Variants in RMST observed in about 807,000 individuals in gnomAD.
RMST encodes rhabdomyosarcoma 2 associated transcript.
intron 13 of RMST, chr12:97,564,122 A>T (rs1378400480): frequency 3.2e-6 from 1 of 309,770 alleles, no homozygotes; most frequent in Non-Finnish European, 6.4e-6. Context: ...TTTGTTTATC[A>T]TACATTTTTC....
intron 11 of RMST, among the ~76,000 whole-genome samples, chr12:97,557,673 A>T (rs1202596275): frequency 1.3e-5 from 2 of 152,174 alleles, no homozygotes; most frequent in African/African-American, 4.8e-5. Flanking sequence ...AATCTGGTAG[A>T]AGAACACAGT....
chr12:97,533,565 G>T (rs1881842765), intron 11 of RMST: 1 of 151,754 alleles, frequency 6.6e-6, no homozygotes, highest in Admixed American at 6.6e-5. Flanking sequence ...ATTTTTCTCT[G>T]TTAAATTTTC....
chr12:97,532,713 A>G (rs980559349), intron 11 of RMST: 1 of 139,314 alleles, frequency 7.2e-6, no homozygotes, highest in Non-Finnish European at 1.5e-5. Flanking sequence ...AACTCTTGTC[A>G]GAGTTTCAAA....
intron 5 of RMST, among the ~76,000 whole-genome samples, chr12:97,474,419 C>A (rs1203465963): frequency 6.6e-6 from 1 of 151,970 alleles, no homozygotes; most frequent in Non-Finnish European, 1.5e-5. Flanking sequence ...ATTTTGATAG[C>A]CATTTGCAGG....
At chr12:97,518,598 G>C (rs1288562528) in intron 10 of RMST, among the ~76,000 whole-genome samples, 1 of 152,096 alleles carries the variant, frequency 6.6e-6, no homozygotes, top group Non-Finnish European at 1.5e-5. Flanking sequence ...TTTTCAATAA[G>C]AATGTTAGGC....
chr12:97,513,524 C>A (rs1324204674), intron 10 of RMST, among the ~76,000 whole-genome samples: 3 of 152,166 alleles, frequency 2.0e-5, no homozygotes, highest in Admixed American at 1.3e-4. Flanking sequence ...ACCAGAGCTT[C>A]TGCCTTCATA....
chr12:97,493,935 T>C (rs1877133397), exon 8 of RMST: 1 of 152,234 alleles, frequency 6.6e-6, no homozygotes, highest in Admixed American at 6.5e-5. Context: ...CCATGGGAAG[T>C]CAGCTGAAGA....
At chr12:97,561,657 T>G (rs946996991) in intron 13 of RMST, among the ~76,000 whole-genome samples, 1 of 133,716 alleles carries the variant, frequency 7.5e-6, no homozygotes, top group Non-Finnish European at 1.6e-5. Flanking sequence ...TTTTTTTTTT[T>G]TGTGCCTGGT....
intron 10 of RMST, among the ~76,000 whole-genome samples, chr12:97,501,496 C>T (rs766971991): frequency 1.1e-4 from 17 of 152,290 alleles, no homozygotes; most frequent in Middle Eastern, 6.8e-3. Context: ...AGGACAGGCT[C>T]ATTGTTGTGT....
chr12:97,512,152 A>G (rs1337177935), intron 10 of RMST, among the ~76,000 whole-genome samples: 1 of 152,030 alleles, frequency 6.6e-6, no homozygotes. Flanking sequence ...TCGCTGGCTC[A>G]GGAGTGAAGC....
intron 11 of RMST, among the ~76,000 whole-genome samples, chr12:97,554,689 G>A (rs376146670): frequency 5.9e-5 from 9 of 152,202 alleles, no homozygotes; most frequent in African/African-American, 2.2e-4. Flanking sequence ...CAAGAATCTA[G>A]GTGTCTAGCT....
chr12:97,507,257 G>GTTTTTTTTT (rs1197266329), intron 10 of RMST, among the ~76,000 whole-genome samples: 1 of 117,960 alleles, frequency 8.5e-6, no homozygotes, highest in African/African-American at 4.0e-5. Flanking sequence ...GGTTGTTATT[G>GTTTTTTTTT]TTTTTTTTTT....
Position 97,549,780 on chromosome 12 carries a change from A to T in RMST, n.1546-10757A>T, listed in dbSNP as rs7959863. Among the ~76,000 whole-genome samples the T allele has an allele frequency of 9.5e-3, 1,448 of 152,316 alleles. 24 individuals carry two copies. The highest frequency in any genetic ancestry group is 0.033 in the African/African-American group (1,371 of 41,576). On this transcript the variant is annotated intron_variant and non_coding_transcript_variant, in intron 11 of 13. Transcript: ENST00000640149. ...GTCAGCAGAGTCTGAGATACTGATG[A>T]GAAATCATAAACATTAAAGAAATAG...
chr12:97,470,475 A>G (rs1379713393), intron 5 of RMST, among the ~76,000 whole-genome samples: 1 of 152,014 alleles, frequency 6.6e-6, no homozygotes, highest in Non-Finnish European at 1.5e-5. Flanking sequence ...AATGGAGGAA[A>G]GCTTGCAGGG....
At chr12:97,506,820 A>T (rs573376894) in intron 10 of RMST, among the ~76,000 whole-genome samples, 132 of 151,098 alleles carry the variant, frequency 8.7e-4, no homozygotes, top group African/African-American at 3.2e-3. Context: ...AGTAGCTGGG[A>T]TTACAGGCAC....
chr12:97,490,442 G>A (rs778027050), intron 5 of RMST, among the ~76,000 whole-genome samples: 10 of 152,092 alleles, frequency 6.6e-5, no homozygotes, highest in East Asian at 1.9e-4. Context: ...ATCCTGTTTC[G>A]TCATCTGTTA....
intron 9 of RMST, among the ~76,000 whole-genome samples, chr12:97,495,516 G>T (rs1162494177): frequency 6.6e-6 from 1 of 152,086 alleles, no homozygotes; most frequent in Non-Finnish European, 1.5e-5. Flanking sequence ...TAATCCATCA[G>T]AATGGAGGCA....
chr12:97,527,157 T>A (rs1277862127), intron 10 of RMST, among the ~76,000 whole-genome samples: 1 of 152,084 alleles, frequency 6.6e-6, no homozygotes, highest in Admixed American at 6.6e-5. Flanking sequence ...ATTGAAGTGA[T>A]AAGAGGGATA....
In RMST at chr12:97,524,753, A is replaced by G. The variant is rs182253960; in HGVS notation, n.1341-5902A>G. Reference sequence around the variant, plus strand: ...CTGTGACTGGGAGCTGAACTTTTTAAAAGTAAGACAGACTATTTGTTTCAA... The same window carrying G: ...CTGTGACTGGGAGCTGAACTTTTTAGAAGTAAGACAGACTATTTGTTTCAA... On this transcript the variant is annotated intron_variant and non_coding_transcript_variant, in intron 10 of 13. Coordinates refer to ENST00000640149, the Ensembl canonical transcript of RMST. Among the ~76,000 whole-genome samples the G allele has an allele frequency of 7.9e-5, 12 of 152,320 alleles. No individual in the cohort carries two copies. The East Asian group carries it at 2.3e-3, about 29-fold the overall frequency.
Sources: gnomAD v4.1 joint callset for allele counts (sites outside exome capture counted in the v4.1 genomes callset) on GRCh38, gnomAD v4.1.1 for gene constraint, MANE v1.5 for transcripts, NCBI Gene and HGNC (gene_info 2026-07-23, HGNC 2026-07-21) for gene names.